Variants in PHLPP1 observed in about 807,000 individuals in gnomAD.
PHLPP1 encodes PH domain and leucine rich repeat protein phosphatase 1, also known as PH domain leucine-rich repeat-containing protein phosphatase 1.
Under a neutral mutation model 117.2 loss-of-function variants are expected in PHLPP1, and 42 were observed. The ratio of observed to expected loss-of-function variants is 0.36; its 90% CI spans 0.28 to 0.46. The LOEUF is 0.46. Ranked by LOEUF, PHLPP1 falls within the 20% of genes least tolerant of loss-of-function variation. The probability of loss-of-function intolerance (pLI) is 1.00; values close to 1 mark genes in which losing one functional copy is unlikely to be tolerated. For missense variants in PHLPP1, 2,084 were observed against 2,241.9 expected (o/e 0.93, Z 1.42); for synonymous variants, 1,042 against 970.7 (o/e 1.07, Z -1.37).
intron 1 of PHLPP1, among the ~76,000 whole-genome samples, chr18:62,731,911 T>A (rs1016100994): frequency 6.6e-6 from 1 of 152,198 alleles, no homozygotes; most frequent in Non-Finnish European, 1.5e-5. Flanking sequence ...CTCTTTAATT[T>A]TTTGAAGGCT....
chr18:62,772,866 TTGTTCTTTGGAAGG>T (rs1270268497), intron 1 of PHLPP1, among the ~76,000 whole-genome samples: 1 of 148,646 alleles, frequency 6.7e-6, no homozygotes. Context: ...CTCTTTCTTT[TTGTTCTTTGGAAGG>T]TGTCCAAGAA....
chr18:62,774,965 T>C (rs967975530), intron 1 of PHLPP1, among the ~76,000 whole-genome samples: 2 of 152,178 alleles, frequency 1.3e-5, no homozygotes, highest in African/African-American at 2.4e-5. Context: ...ATAATCACCA[T>C]GGTCACTTTA....
chr18:62,744,171 T>C (rs1244433074), intron 1 of PHLPP1, among the ~76,000 whole-genome samples: 2 of 152,180 alleles, frequency 1.3e-5, no homozygotes, highest in Admixed American at 1.3e-4. Flanking sequence ...AAAATCAGAG[T>C]ATCTGGGCAC....
At chr18:62,754,059 T>A (rs1198151638) in intron 1 of PHLPP1, among the ~76,000 whole-genome samples, 1 of 152,232 alleles carries the variant, frequency 6.6e-6, no homozygotes, top group African/African-American at 2.4e-5. Context: ...CCCACCCTGC[T>A]TGTCTTAAAC....
chr18:62,815,018 T>C (rs1914225116), intron 1 of PHLPP1, among the ~76,000 whole-genome samples: 1 of 152,216 alleles, frequency 6.6e-6, no homozygotes. Context: ...CATTTATCTC[T>C]GAGTCAGGAA....
Position 62,914,962 on chromosome 18 carries a change from G to T in PHLPP1, c.2758G>T (p.Glu920Ter). The T allele has an allele frequency of 6.2e-7, 1 of 1,613,818 alleles. No individual in the cohort carries two copies. The highest frequency in any genetic ancestry group is 8.5e-7 in the Non-Finnish European group (1 of 1,179,798). ...PEWVCESRKL[E>*]VLDIGHNQIC... is the part of the protein sequence containing the mutation. ...GTGGGTATGTGAAAGCCGAAAGCTA[G>T]AAGTTTTGGATATTGGCCATAATCA... The change falls in exon 9 of 17, where the codon GAA (glutamate) becomes TAA (stop). Residue 920 changes from glutamate (E) to a stop codon, truncating the protein, a stop_gained. Coordinates refer to ENST00000262719, the MANE Select transcript of PHLPP1 (RefSeq NM_194449.4). LOFTEE classifies it high-confidence loss of function.
chr18:62,942,050 T>G (rs1315428392), intron 11 of PHLPP1, 132 bp downstream of exon 11: 1 of 669,076 alleles, frequency 1.5e-6, no homozygotes, highest in Non-Finnish European at 2.5e-6. Context: ...CTTCACAGTT[T>G]CCTTTATGTA....
At chr18:62,969,573 G>T (rs1351812028) in intron 14 of PHLPP1, among the ~76,000 whole-genome samples, 3 of 152,080 alleles carry the variant, frequency 2.0e-5, no homozygotes, top group Admixed American at 2.0e-4. Context: ...TTCTTCTGTT[G>T]ATGATTGAGA....
chr18:62,945,183 T>C lies in PHLPP1; in HGVS notation c.3236T>C (p.Ile1079Thr). 3.1e-6 allele frequency: 5 copies of C among 1,613,372 alleles called. No homozygotes were observed. The highest frequency in any genetic ancestry group is 4.2e-6 in the Non-Finnish European group (5 of 1,179,648). ...GNKLKAIPTT[I>T]MNCRRMHTVI... ...AAGCTGAAAGCCATCCCAACAACGA[T>C]CATGAATTGCAGGCGCATGCACACC... Residue 1079 changes from isoleucine to threonine, a missense_variant, in exon 12 of 17, where the codon ATC (isoleucine) becomes ACC (threonine). This residue lies in a region of PHLPP1 where 1,365 missense variants were observed against 1,605.9 expected (regional missense o/e 0.85). Transcript: ENST00000262719.
At chr18:62,894,864 C>T (rs1241033165) in intron 4 of PHLPP1, 147 bp from the exon 5 acceptor site, 2 of 579,968 alleles carry the variant, frequency 3.4e-6, no homozygotes, top group Non-Finnish European at 6.2e-6. Context: ...CATTCCAGTG[C>T]TGCTGCTCCT....
chr18:62,762,278 A>G (rs1278763341), intron 1 of PHLPP1, among the ~76,000 whole-genome samples: 3 of 151,326 alleles, frequency 2.0e-5, no homozygotes. Context: ...CCTGTAAATA[A>G]TTATCGGCTG....
chr18:62,783,030 G>A (rs1378488173), intron 1 of PHLPP1, among the ~76,000 whole-genome samples: 4 of 151,072 alleles, frequency 2.6e-5, no homozygotes, highest in African/African-American at 9.7e-5. Context: ...GAGTTTATGA[G>A]AATCTTTAAA....
chr18:62,947,051 T>C (rs183916164), intron 12 of PHLPP1, among the ~76,000 whole-genome samples: 1,801 of 152,258 alleles, frequency 0.012, 20 homozygotes, highest in Middle Eastern at 0.031. Flanking sequence ...AGACTCCGTC[T>C]CAAAAAACAA....
At chr18:62,822,608 A>G (rs973565297) in intron 1 of PHLPP1, among the ~76,000 whole-genome samples, 4 of 152,082 alleles carry the variant, frequency 2.6e-5, no homozygotes, top group African/African-American at 9.7e-5. Flanking sequence ...AAATGGCACA[A>G]ATTTGAATGC....
chr18:62,882,435 A>AT (rs1010269830), intron 4 of PHLPP1, among the ~76,000 whole-genome samples: 14 of 150,640 alleles, frequency 9.3e-5, no homozygotes, highest in East Asian at 3.9e-4. Context: ...CGCCTGGATA[A>AT]TTTTTTTTTG....
chr18:62,948,790 G>C (rs1453206407), intron 12 of PHLPP1, among the ~76,000 whole-genome samples: 4 of 151,802 alleles, frequency 2.6e-5, no homozygotes, highest in Admixed American at 6.6e-5. Context: ...TCTTGAAAAA[G>C]ATAGTAGTTA....
intron 4 of PHLPP1, among the ~76,000 whole-genome samples, chr18:62,874,861 T>TC (rs1318035995): frequency 6.6e-6 from 1 of 152,178 alleles, no homozygotes; most frequent in Non-Finnish European, 1.5e-5. Context: ...CAGGAATTGA[T>TC]TTTTTTCCTC....
intron 1 of PHLPP1, among the ~76,000 whole-genome samples, chr18:62,746,014 TTA>T (rs1911662241): frequency 1.3e-5 from 2 of 152,156 alleles, no homozygotes; most frequent in South Asian, 4.1e-4. Context: ...CTAATATATG[TTA>T]TATAAGTGGA....
chr18:62,849,816 A>ATATATATATATATATAT (rs1915281013), intron 3 of PHLPP1, among the ~76,000 whole-genome samples: 1 of 45,372 alleles, frequency 2.2e-5, no homozygotes, highest in Non-Finnish European at 4.6e-5. Context: ...AAAAAAAAAA[A>ATATATATATATATATAT]AAAAAAAAAA....
Sources: allele counts gnomAD v4.1 joint callset (sites outside exome capture counted in the v4.1 genomes callset), GRCh38; gene constraint gnomAD v4.1.1; regional missense constraint gnomAD v4.1.1; transcripts MANE v1.5; gene names NCBI Gene and HGNC (gene_info 2026-07-23, HGNC 2026-07-21).